The following ELP1 variants were observed in gnomAD, a reference collection of about 807,000 sequenced individuals.
ELP1 encodes elongator complex protein 1.
ELP1 carries 131 observed loss-of-function variants against 183.2 expected under a neutral mutation model. The observed-to-expected ratio is 0.72, with a 90% CI of 0.62 to 0.83. ELP1 has a LOEUF of 0.83. ELP1 is among the 40% of genes least tolerant of loss of function. The pLI is 0.00. For synonymous variants in ELP1, 555 were observed against 569.0 expected (o/e 0.98, Z 0.35); for missense variants, 1,550 against 1,594.9 (o/e 0.97, Z 0.48).
Position 108,916,304 on chromosome 9 carries a change from G to A in ELP1, c.865-7C>T. ...TCCAGAGCAAGTCATTTACCTAGAA[G>A]GGAAAAAAGATCTGTCATTGGCTTT... On this transcript the variant is annotated splice_polypyrimidine_tract_variant and splice_region_variant and intron_variant, in intron 9 of 36. Coordinates refer to ENST00000374647, the MANE Select transcript of ELP1 (RefSeq NM_003640.5). 1 of 1,607,818 alleles carries A rather than the reference G, an allele frequency of 6.2e-7. No individual in the cohort carries two copies. Among genetic ancestry groups the A allele is most frequent in the Non-Finnish European group, 8.5e-7 (1 of 1,174,332 alleles).
chr9:108,927,458 G>C lies in ELP1; in HGVS notation c.304-5C>G, dbSNP rs370384351. 1.9e-6 allele frequency: 3 copies of C among 1,611,506 alleles called. No individual in the cohort carries two copies. Among genetic ancestry groups the C allele is most frequent in the Non-Finnish European group, 2.5e-6 (3 of 1,177,780 alleles). ...TACACTCCCAACACACTCCAGCTGA[G>C]ACAGAGAAAATTGAAAAGAGAGATT... On this transcript the variant is annotated splice_region_variant and splice_polypyrimidine_tract_variant and intron_variant, in intron 3 of 36. Transcript: ENST00000374647.
chr9:108,908,762 C>A (rs1334116465), intron 12 of ELP1, among the ~76,000 whole-genome samples: 3 of 152,232 alleles, frequency 2.0e-5, no homozygotes, highest in African/African-American at 7.2e-5. Flanking sequence ...ATTCACTGCA[C>A]AGCAGCCAAT....
intron 1 of ELP1, among the ~76,000 whole-genome samples, chr9:108,932,467 G>A (rs1177329252): frequency 6.6e-6 from 1 of 152,046 alleles, no homozygotes; most frequent in African/African-American, 2.4e-5. Context: ...TCAGCCTCCG[G>A]AGTAGCTGGG....
At chr9:108,901,192 A>G (rs1828789662) in intron 18 of ELP1, among the ~76,000 whole-genome samples, 1 of 152,194 alleles carries the variant, frequency 6.6e-6, no homozygotes, top group Non-Finnish European at 1.5e-5. Flanking sequence ...TAACTTTAGA[A>G]TGTGCTGCTT....
chr9:108,908,452 A>C (rs763425153), intron 12 of ELP1, 48 bp from the exon 13 acceptor site: 1 of 1,376,152 alleles, frequency 7.3e-7, no homozygotes, highest in Non-Finnish European at 1.0e-6. Flanking sequence ...ATAAGATTTC[A>C]CCTAATACTA....
At chr9:108,926,107 T>C (rs11788336) in intron 5 of ELP1, among the ~76,000 whole-genome samples, 33,459 of 152,192 alleles carry the variant, frequency 0.22, 4,522 homozygotes, top group East Asian at 0.3. Context: ...CCAGATGACC[T>C]TGGCTAGATT....
intron 35 of ELP1, among the ~76,000 whole-genome samples, chr9:108,875,334 T>C (rs551468782): frequency 7.7e-4 from 117 of 152,300 alleles, no homozygotes; most frequent in African/African-American, 2.7e-3. Flanking sequence ...CAAAGAGTTA[T>C]GGGAAACAAA....
chr9:108,875,523 G>A (rs576178386), intron 35 of ELP1: 1 of 264,266 alleles, frequency 3.8e-6, no homozygotes, highest in Non-Finnish European at 7.5e-6. Context: ...GCAATGCCAT[G>A]AGAAGTCACT....
intron 27 of ELP1, among the ~76,000 whole-genome samples, chr9:108,891,660 A>C (rs965373355): frequency 3.3e-5 from 5 of 152,220 alleles, no homozygotes; most frequent in African/African-American, 9.6e-5. Flanking sequence ...ACAGCAAGGC[A>C]AAAAATAAAA....
intron 10 of ELP1, among the ~76,000 whole-genome samples, chr9:108,915,863 C>T (rs1011717740): frequency 2.6e-5 from 4 of 152,166 alleles, no homozygotes; most frequent in African/African-American, 9.6e-5. Context: ...CCCAAGTATA[C>T]AAAAGGCTGA....
At chr9:108,875,400 C>T (rs1827672034) in intron 35 of ELP1, among the ~76,000 whole-genome samples, 1 of 152,216 alleles carries the variant, frequency 6.6e-6, no homozygotes, top group Non-Finnish European at 1.5e-5. Flanking sequence ...AGAATGGAAA[C>T]TGTGCACATG....
chr9:108,908,166 C>G (rs1829087121), intron 13 of ELP1, 139 bp downstream of exon 13: 2 of 697,460 alleles, frequency 2.9e-6, no homozygotes, highest in Non-Finnish European at 5.2e-6. Context: ...CCAATCAGAT[C>G]CGAAAGTCAG....
chr9:108,889,397 T>A lies in ELP1; in HGVS notation c.3161-4A>T. On this transcript the variant is annotated splice_polypyrimidine_tract_variant and splice_region_variant and intron_variant, in intron 28 of 36. Transcript: ENST00000374647. Reference sequence around the variant, plus strand: ...TTCCTCTGCTCAACCAGCTTTCCTGTAGAGACAATAAGCAGCAGTTGACTA... The same window carrying A: ...TTCCTCTGCTCAACCAGCTTTCCTGAAGAGACAATAAGCAGCAGTTGACTA... 1.2e-6 allele frequency: 2 copies of A among 1,613,976 alleles called. No homozygotes were observed. Among genetic ancestry groups the A allele is most frequent in the Non-Finnish European group, 1.7e-6 (2 of 1,179,844 alleles).
chr9:108,928,623 C>T lies in ELP1; in HGVS notation c.303+1146G>A, dbSNP rs182375032. On this transcript the variant is annotated intron_variant, in intron 3 of 36. Coordinates refer to ENST00000374647, the MANE Select transcript of ELP1 (RefSeq NM_003640.5). ...TGTGGGGAACAGATAGTGAAAGGGG[C>T]TTATAAGGCACAATAGTGGGCTCTA... 2.6e-5 allele frequency among the ~76,000 whole-genome samples: 4 copies of T among 152,150 alleles called. No homozygotes were observed. The East Asian group carries it at 5.8e-4, about 22-fold the overall frequency.
chr9:108,909,300 C>T (rs1829125904), intron 12 of ELP1, among the ~76,000 whole-genome samples: 1 of 151,982 alleles, frequency 6.6e-6, no homozygotes, highest in Non-Finnish European at 1.5e-5. Flanking sequence ...AAGTTGTAGA[C>T]AAAGTACAAC....
At position 108,893,972 on chromosome 9, in the gene ELP1, T is replaced by C; in HGVS notation, c.2831A>G (p.Glu944Gly). 1 of 1,613,620 alleles carries C rather than the reference T, an allele frequency of 6.2e-7. No individual in the cohort carries two copies. Among genetic ancestry groups the C allele is most frequent in the African/African-American group, 1.3e-5 (1 of 75,050 alleles). ...FTIDKYLKRYEKAIGHLSKCG... is the reference protein window; with the variant it reads ...FTIDKYLKRYGKAIGHLSKCG... Reference sequence around the variant, plus strand: ...TTTGCTGAGGTGGCCAATGGCTTTTTCATATCGTTTCAAGTATTTGTCTAT... The same window carrying C: ...TTTGCTGAGGTGGCCAATGGCTTTTCCATATCGTTTCAAGTATTTGTCTAT... The change falls in exon 26 of 37, where the codon GAA becomes GGA. Residue 944 changes from glutamate to glycine, a missense_variant. Transcript: ENST00000374647.
In ELP1 at chr9:108,879,624, G is replaced by A. The variant is rs542255275; in HGVS notation, c.3461-67C>T. 5.9e-4 allele frequency: 668 copies of A among 1,129,614 alleles called. 6 individuals carry two copies. In the East Asian group the frequency reaches 9.0e-3, roughly 15 times the overall value. The allele number at this position is 1,129,614 out of a possible 1,614,324, so 70.0% of individuals were successfully genotyped here. On this transcript the variant is annotated intron_variant, in intron 32 of 36. Transcript: ENST00000374647. ...TAATGTGTGGGTTTACTTTCAGGGC[G>A]GTAAATGAACTAACTAGAGTCAACT... is the stretch of plus-strand genomic sequence containing the variant.
In ELP1 at chr9:108,912,277, A is replaced by G. The variant is rs753979416; in HGVS notation, c.1176T>C (p.Ala392=). 14 of 1,613,784 alleles carry G rather than the reference A, an allele frequency of 8.7e-6. No homozygotes were observed. Among genetic ancestry groups the G allele is most frequent in the Non-Finnish European group, 1.2e-5 (14 of 1,179,778 alleles). ...GDNSSDLSNV[A]VIDGNRVLVT... ...CCAGGAGCTTACTTCCATCAATGAC[A>G]GCCACATTGGACAAGTCACTTGAAT... Residue 392 remains alanine (A), a synonymous_variant, in exon 11 of 37, where the codon GCT becomes GCC. Coordinates refer to ENST00000374647, the MANE Select transcript of ELP1 (RefSeq NM_003640.5).
intron 27 of ELP1, among the ~76,000 whole-genome samples, chr9:108,892,412 A>G (rs190630702): frequency 2.9e-4 from 44 of 152,322 alleles, no homozygotes; most frequent in African/African-American, 1.0e-3. Flanking sequence ...TTGTCTGAGG[A>G]CAAACTGAAA....
Sources: gnomAD v4.1 joint callset for allele counts (sites outside exome capture counted in the v4.1 genomes callset) on GRCh38, gnomAD v4.1.1 for gene constraint, MANE v1.5 for transcripts, NCBI Gene and HGNC (gene_info 2026-07-23, HGNC 2026-07-21) for gene names.